LRRC4C: variants seen among roughly 807,000 people sequenced by gnomAD.
LRRC4C encodes leucine-rich repeat-containing protein 4C.
In LRRC4C, 5 loss-of-function variants were observed where a neutral mutation model predicts 33.6. The ratio of observed to expected loss-of-function variants is 0.15; its 90% CI spans 0.08 to 0.31. The LOEUF (loss-of-function observed/expected upper bound fraction) is 0.31. Ranked by LOEUF, LRRC4C falls within the 10% of genes least tolerant of loss-of-function variation. The probability of loss-of-function intolerance (pLI) is 1.00; values close to 1 mark genes in which losing one functional copy is unlikely to be tolerated. For synonymous variants in LRRC4C, 329 were observed against 302.0 expected, an observed-to-expected ratio of 1.09 and a Z score of -0.93; for missense variants, 560 against 796.7, an observed-to-expected ratio of 0.70 and a Z score of 3.58.
At chr11:41,333,242 A>T (rs1327886798) in intron 1 of LRRC4C, among the ~76,000 whole-genome samples, 12 of 152,196 alleles carry the variant, frequency 7.9e-5, no homozygotes, top group African/African-American at 2.9e-4. Context: ...GTAATGCATC[A>T]GTCAAAATAA....
At chr11:40,470,951 A>C (rs1394606650) in intron 3 of LRRC4C, among the ~76,000 whole-genome samples, 1 of 152,222 alleles carries the variant, frequency 6.6e-6, no homozygotes, top group Admixed American at 6.5e-5. Context: ...ACCAAGTTGG[A>C]AAACACTCTT....
chr11:41,311,686 A>C (rs574851840), intron 1 of LRRC4C, among the ~76,000 whole-genome samples: 78 of 152,344 alleles, frequency 5.1e-4, no homozygotes, highest in African/African-American at 1.8e-3. Context: ...CAGTGATCTA[A>C]TATTGTATCA....
At chr11:40,639,766 A>G (rs932511627) in intron 3 of LRRC4C, among the ~76,000 whole-genome samples, 3 of 152,174 alleles carry the variant, frequency 2.0e-5, no homozygotes, top group Non-Finnish European at 4.4e-5. Context: ...ATGAATATGG[A>G]GTTAAAGATG....
chr11:40,447,385 C>A (rs1014549846), intron 3 of LRRC4C, among the ~76,000 whole-genome samples: 3 of 152,080 alleles, frequency 2.0e-5, no homozygotes, highest in African/African-American at 7.2e-5. Flanking sequence ...ATCAAGGGGT[C>A]CAGAAAGGAT....
At chr11:41,252,880 C>T (rs1948686685) in intron 1 of LRRC4C, among the ~76,000 whole-genome samples, 1 of 152,072 alleles carries the variant, frequency 6.6e-6, no homozygotes, top group African/African-American at 2.4e-5. Context: ...TATTCACTAC[C>T]ACAAGAACAG....
chr11:40,774,671 T>C (rs565663968), intron 2 of LRRC4C, among the ~76,000 whole-genome samples: 1 of 152,302 alleles, frequency 6.6e-6, no homozygotes, highest in South Asian at 2.1e-4. Context: ...AAAACTCTAA[T>C]TCTGAGCAGA....
At chr11:41,329,433 C>T (rs1030654072) in intron 1 of LRRC4C, among the ~76,000 whole-genome samples, 6 of 152,144 alleles carry the variant, frequency 3.9e-5, no homozygotes, top group African/African-American at 1.4e-4. Context: ...TATGTTGCGT[C>T]CCATAGTACC....
rs1030064900 is a variant in LRRC4C, at chr11:40,887,413, T to C, written c.-407+46222A>G. Among the ~76,000 whole-genome samples, 6 of 152,094 alleles carry C rather than the reference T, an allele frequency of 3.9e-5. No individual in the cohort carries two copies. The South Asian group carries it at 1.2e-3, about 31-fold the overall frequency. On this transcript the variant is annotated intron_variant, in intron 2 of 6. Transcript: ENST00000528697. ...CTGAAATAGTAATGACACAGCACCA[T>C]CTATAAAATATTTTTGCTGAGCTGT...
chr11:40,865,201 G>T (rs188669876), intron 2 of LRRC4C, among the ~76,000 whole-genome samples: 1 of 152,160 alleles, frequency 6.6e-6, no homozygotes, highest in Admixed American at 6.5e-5. Context: ...GTCACCACAC[G>T]ATCTCACCCA....
intron 3 of LRRC4C, among the ~76,000 whole-genome samples, chr11:40,369,745 T>C (rs1948370293): frequency 6.6e-6 from 1 of 152,244 alleles, no homozygotes; most frequent in Admixed American, 6.5e-5. Context: ...CATTGTGGGA[T>C]GACTAGATTG....
chr11:40,237,964 T>C (rs1391136334), intron 5 of LRRC4C, among the ~76,000 whole-genome samples: 2 of 152,182 alleles, frequency 1.3e-5, no homozygotes, highest in Admixed American at 6.5e-5. Flanking sequence ...CAGAGTCACA[T>C]AGACTTAAAT....
At chr11:41,387,660 A>G (rs762524268) in intron 1 of LRRC4C, among the ~76,000 whole-genome samples, 9 of 151,798 alleles carry the variant, frequency 5.9e-5, no homozygotes, top group Non-Finnish European at 1.0e-4. Flanking sequence ...GACTGTTGTT[A>G]TATATCACCC....
intron 3 of LRRC4C, among the ~76,000 whole-genome samples, chr11:40,622,662 T>C (rs1307844983): frequency 1.3e-5 from 2 of 151,912 alleles, no homozygotes; most frequent in East Asian, 1.9e-4. Context: ...ATTATATTGT[T>C]TAAACTTTTT....
intron 3 of LRRC4C, among the ~76,000 whole-genome samples, chr11:40,434,681 G>A (rs1433364136): frequency 6.6e-6 from 1 of 152,164 alleles, no homozygotes; most frequent in African/African-American, 2.4e-5. Flanking sequence ...ATGCACAGTT[G>A]TTCTTCAGAA....
chr11:40,304,514 A>G (rs1161058647), intron 4 of LRRC4C, among the ~76,000 whole-genome samples: 1 of 152,198 alleles, frequency 6.6e-6, no homozygotes, highest in African/African-American at 2.4e-5. Flanking sequence ...CAAACGAAAT[A>G]TTAACTAATA....
In LRRC4C at chr11:41,310,749, T is replaced by TA. The variant is rs1032720480; in HGVS notation, c.-496+148681dup. On this transcript the variant is annotated intron_variant, in intron 1 of 6. Transcript: ENST00000528697. ...AATAAAAAGTGGAAGAAAGCCACAA[T>TA]AAAAAAAACCAACATTGTGTTTATG... 2.6e-4 allele frequency among the ~76,000 whole-genome samples: 39 copies of TA among 152,116 alleles called. No homozygotes were observed. In the East Asian group the frequency reaches 3.9e-3, roughly 15 times the overall value.
chr11:40,440,490 T>G (rs1452252067), intron 3 of LRRC4C, among the ~76,000 whole-genome samples: 1 of 152,104 alleles, frequency 6.6e-6, no homozygotes, highest in African/African-American at 2.4e-5. Context: ...ATATTCCAAC[T>G]TTGGCAAATT....
At chr11:40,185,285 A>C (rs1045294178) in intron 5 of LRRC4C, among the ~76,000 whole-genome samples, 1 of 152,032 alleles carries the variant, frequency 6.6e-6, no homozygotes, top group Non-Finnish European at 1.5e-5. Context: ...GACCGTACCT[A>C]CCCCAAAGAC....
chr11:40,862,812 ACT>A (rs756719211), intron 2 of LRRC4C, among the ~76,000 whole-genome samples: 17 of 151,988 alleles, frequency 1.1e-4, no homozygotes, highest in Non-Finnish European at 1.8e-4. Context: ...GCCACAGAAA[ACT>A]CTTCAGCACT....
Sources: gnomAD v4.1 joint callset for allele counts (sites outside exome capture counted in the v4.1 genomes callset) on GRCh38, gnomAD v4.1.1 for gene constraint, MANE v1.5 for transcripts, NCBI Gene and HGNC (gene_info 2026-07-23, HGNC 2026-07-21) for gene names.